PARG: variants seen among roughly 807,000 people sequenced by gnomAD.
PARG encodes the protein mitochondrial poly(ADP-ribose) glycohydrolase.
In PARG, 35 loss-of-function variants were observed where a neutral mutation model predicts 113.0. That is an observed-to-expected ratio of 0.31 (90% CI 0.24 to 0.41). The LOEUF (loss-of-function observed/expected upper bound fraction) is 0.41. Among genes scored for constraint, PARG ranks in the 10% least tolerant of loss-of-function variants. The pLI is 1.00. For missense variants in PARG, 797 were observed against 1,169.4 expected (o/e 0.68, Z 4.64); for synonymous variants, 330 against 409.9 (o/e 0.81, Z 2.36).
At chr10:49,916,596 A>G (rs1278851641) in intron 6 of PARG, among the ~76,000 whole-genome samples, 6 of 152,094 alleles carry the variant, frequency 3.9e-5, no homozygotes, top group African/African-American at 1.2e-4. Flanking sequence ...GTAGAATGAA[A>G]AGTCAAAATA....
At chr10:49,852,740 A>G (rs1374651409) in intron 13 of PARG, among the ~76,000 whole-genome samples, 3 of 151,268 alleles carry the variant, frequency 2.0e-5, no homozygotes, top group Non-Finnish European at 2.9e-5. Flanking sequence ...AATTTTTTGT[A>G]TTTTTAGTAG....
chr10:49,854,558 G>T (rs568472899), intron 13 of PARG, among the ~76,000 whole-genome samples: 2,120 of 151,130 alleles, frequency 0.014, 46 homozygotes, highest in African/African-American at 0.047. Context: ...CCATATGAAT[G>T]CTCAGGAAAA....
At chr10:49,910,720 A>G (rs1554845999) in intron 7 of PARG, among the ~76,000 whole-genome samples, 1 of 152,236 alleles carries the variant, frequency 6.6e-6, no homozygotes, top group East Asian at 1.9e-4. Context: ...AGTTTGCTAT[A>G]TAAATCAATT....
intron 7 of PARG, among the ~76,000 whole-genome samples, chr10:49,894,256 G>C (rs1847965713): frequency 7.0e-6 from 1 of 143,662 alleles, no homozygotes; most frequent in African/African-American, 2.6e-5. Flanking sequence ...TGCCCAGGTT[G>C]GCCTTGAACT....
chr10:49,938,385 T>G (rs1838847755), intron 1 of PARG, among the ~76,000 whole-genome samples: 1 of 152,116 alleles, frequency 6.6e-6, no homozygotes, highest in African/African-American at 2.4e-5. Flanking sequence ...TTTACTCTCA[T>G]CAGCAACATT....
intron 11 of PARG, among the ~76,000 whole-genome samples, chr10:49,862,133 C>A (rs1449658445): frequency 6.7e-6 from 1 of 149,744 alleles, no homozygotes; most frequent in Non-Finnish European, 1.5e-5. Context: ...ATACCTGCGA[C>A]AGAAATTCTG....
intron 16 of PARG, among the ~76,000 whole-genome samples, chr10:49,829,747 G>T (rs1161137959): frequency 1.3e-5 from 2 of 152,166 alleles, no homozygotes; most frequent in African/African-American, 4.8e-5. Context: ...CTGCAAATTT[G>T]TGTGTGATAT....
Position 49,934,060 on chromosome 10 carries a change from A to T in PARG, c.388T>A (p.Ser130Thr), listed in dbSNP as rs2132980379. Residue 130 changes from serine to threonine, a missense_variant, in exon 3 of 18, where the codon TCT (serine) becomes ACT (threonine). This residue lies in a region of PARG where 284 missense variants were observed against 306.1 expected (regional missense o/e 0.93). Transcript: ENST00000616448. ...GGTGACTTATCAAGACTTAGCTGAGAAACATTTTCTAATTTTTCTACATTA... is the reference window on the plus strand; with the variant it reads ...GGTGACTTATCAAGACTTAGCTGAGTAACATTTTCTAATTTTTCTACATTA... ...QHNVEKLENV[S>T]QLSLDKSPTE... 1.3e-6 allele frequency: 2 copies of T among 1,592,096 alleles called. No individual in the cohort carries two copies. The highest frequency in any genetic ancestry group is 2.2e-5 in the South Asian group (2 of 90,662).
At chr10:49,916,483 A>C (rs1837478307) in intron 6 of PARG, among the ~76,000 whole-genome samples, 2 of 151,658 alleles carry the variant, frequency 1.3e-5, no homozygotes, top group South Asian at 4.2e-4. Flanking sequence ...AGATTAGAAA[A>C]AAAGTATTTA....
intron 15 of PARG, 39 bp from the exon 16 acceptor site, chr10:49,832,947 AGACACT>A: frequency 1.0e-5 from 10 of 999,978 alleles, no homozygotes; most frequent in Non-Finnish European, 1.5e-5. Flanking sequence ...GTGAGTGCCT[AGACACT>A]AACAGTGTTT....
intron 7 of PARG, among the ~76,000 whole-genome samples, chr10:49,905,606 C>A (rs1848547496): frequency 6.6e-6 from 1 of 152,212 alleles, no homozygotes; most frequent in Non-Finnish European, 1.5e-5. Context: ...CTGTAAGACT[C>A]CTCAGAGCTA....
At position 49,902,944 on chromosome 10, in the gene PARG, T is replaced by C. The variant is rs578239921; in HGVS notation, c.1737+12973A>G. 1.2e-3 allele frequency among the ~76,000 whole-genome samples: 179 copies of C among 152,134 alleles called. 2 individuals carry two copies. The highest frequency in any genetic ancestry group is 4.1e-3 in the African/African-American group (169 of 41,508). ...GCCTCCCGGGTTCAAGTGATTCTCC[T>C]GCCTCAGCCTCCAGAGAAGCTGCAA... On this transcript the variant is annotated intron_variant, in intron 7 of 17. Coordinates refer to ENST00000616448, the MANE Select transcript of PARG (RefSeq NM_003631.5).
chr10:49,914,763 C>T (rs149748246), intron 7 of PARG, among the ~76,000 whole-genome samples: 666 of 152,220 alleles, frequency 4.4e-3, no homozygotes, highest in East Asian at 0.018. Flanking sequence ...ATCAGTGTCA[C>T]AGAACTGAGA....
intron 7 of PARG, among the ~76,000 whole-genome samples, chr10:49,899,961 C>T (rs1473031962): frequency 1.3e-5 from 2 of 152,242 alleles, no homozygotes; most frequent in East Asian, 3.9e-4. Context: ...TTAAAGTACT[C>T]TGTAATTCAC....
intron 15 of PARG, chr10:49,833,388 T>C (rs1564598976): frequency 6.6e-6 from 1 of 152,282 alleles, no homozygotes; most frequent in Non-Finnish European, 1.5e-5. Context: ...CTCTCAGTTA[T>C]GGAGATTAGA....
Position 49,842,106 on chromosome 10 carries a change from T to C in PARG, c.2433-48A>G, listed in dbSNP as rs781944736. ...GAAAAGATAAGGAACAGGTAGTCGC[T>C]CAAATAAAATCCTCTCAGGGGTCAG... On this transcript the variant is annotated intron_variant, in intron 14 of 17. Transcript: ENST00000616448. The C allele has an allele frequency of 8.6e-6, 11 of 1,284,596 alleles. No individual in the cohort carries two copies. In the South Asian group the frequency reaches 1.4e-4, roughly 16 times the overall value. 79.6% of individuals were successfully genotyped at this position (1,284,596 alleles called of 1,614,324 possible).
chr10:49,904,532 T>C (rs1554844325), intron 7 of PARG, among the ~76,000 whole-genome samples: 1 of 151,722 alleles, frequency 6.6e-6, no homozygotes, highest in Non-Finnish European at 1.5e-5. Flanking sequence ...GTGGGGGATG[T>C]TGATAATGGG....
intron 7 of PARG, among the ~76,000 whole-genome samples, chr10:49,886,245 C>T (rs192061270): frequency 4.7e-4 from 72 of 152,286 alleles, no homozygotes; most frequent in Admixed American, 1.2e-3. Flanking sequence ...TTCCTACTTC[C>T]CTATGTGACC....
intron 6 of PARG, among the ~76,000 whole-genome samples, chr10:49,921,387 T>C (rs1837861507): frequency 6.6e-6 from 1 of 152,182 alleles, no homozygotes; most frequent in Admixed American, 6.6e-5. Flanking sequence ...AATCAATTTG[T>C]ACTGTAAAAA....
Sources: gnomAD v4.1 joint callset for allele counts (sites outside exome capture counted in the v4.1 genomes callset) on GRCh38, gnomAD v4.1.1 for gene constraint, gnomAD v4.1.1 regional missense constraint, MANE v1.5 for transcripts, NCBI Gene and HGNC (gene_info 2026-07-23, HGNC 2026-07-21) for gene names.